The following GNA12 variants were observed in gnomAD, a reference collection of about 807,000 sequenced individuals.
The protein encoded by GNA12 is guanine nucleotide-binding protein subunit alpha-12.
Under a neutral mutation model 26.0 loss-of-function variants are expected in GNA12, and 9 were observed. That is an observed-to-expected ratio of 0.35 (90% CI 0.21 to 0.60). The LOEUF (loss-of-function observed/expected upper bound fraction) is 0.60, where lower values mean the gene tolerates loss of function less well. Among genes scored for constraint, GNA12 ranks in the 20% least tolerant of loss-of-function variants. The probability of loss-of-function intolerance (pLI) is 0.78; values close to 1 mark genes in which losing one functional copy is unlikely to be tolerated. For missense variants in GNA12, 405 were observed against 525.8 expected (o/e 0.77, Z 2.25); for synonymous variants, 264 against 219.6 (o/e 1.20, Z -1.79).
intron 2 of GNA12, among the ~76,000 whole-genome samples, chr7:2,790,168 C>A (rs1418875174): frequency 6.6e-6 from 1 of 152,220 alleles, no homozygotes; most frequent in African/African-American, 2.4e-5. Flanking sequence ...GAAAAGTCTC[C>A]TCCAAAGCAC....
At chr7:2,767,566 A>G (rs1191476585) in intron 2 of GNA12, among the ~76,000 whole-genome samples, 4 of 152,216 alleles carry the variant, frequency 2.6e-5, no homozygotes, top group African/African-American at 9.7e-5. Context: ...TACCCTTTAT[A>G]GTACCCTCTC....
At chr7:2,822,456 T>G (rs894398713) in intron 1 of GNA12, among the ~76,000 whole-genome samples, 2 of 152,130 alleles carry the variant, frequency 1.3e-5, no homozygotes, top group Admixed American at 6.6e-5. Flanking sequence ...CTGATAAAGA[T>G]TGAAGGGCCA....
At chr7:2,771,302 A>T (rs560113076) in intron 2 of GNA12, among the ~76,000 whole-genome samples, 1 of 152,046 alleles carries the variant, frequency 6.6e-6, no homozygotes, top group African/African-American at 2.4e-5. Flanking sequence ...CTCAAAAAAA[A>T]CCAAAAAACC....
chr7:2,730,970 G>T lies in GNA12; in HGVS notation c.*211C>A. 1.9e-6 allele frequency: 1 copy of T among 525,960 alleles called. No individual in the cohort carries two copies. Among genetic ancestry groups the T allele is most frequent in the Non-Finnish European group, 3.4e-6 (1 of 293,156 alleles). The allele number at this position is 525,960 out of a possible 1,614,324, so 32.6% of individuals were successfully genotyped here. A position where few individuals can be genotyped will look rare whatever the true frequency, so the allele number is the denominator to read the frequency against. On this transcript the variant is annotated 3_prime_UTR_variant, in exon 4 of 4. Transcript: ENST00000275364. ...ACTCGGATTTTCAGTAGTTTCACTC[G>T]CCCCCAGGATTCAGTAGCTAACGTG...
chr7:2,841,667 T>C (rs528448324), intron 1 of GNA12, among the ~76,000 whole-genome samples: 2 of 152,240 alleles, frequency 1.3e-5, no homozygotes, highest in South Asian at 4.2e-4. Flanking sequence ...AAATGAAACA[T>C]TTCCATGAGA....
At chr7:2,747,200 T>A (rs376608250) in intron 2 of GNA12, among the ~76,000 whole-genome samples, 32 of 152,114 alleles carry the variant, frequency 2.1e-4, no homozygotes, top group Middle Eastern at 3.4e-3. Flanking sequence ...TACCAAAGCC[T>A]GGCAGAGACA....
rs377656327 is a variant in GNA12, at chr7:2,804,125, A to G, written c.310-8982T>C. 4.6e-5 allele frequency among the ~76,000 whole-genome samples: 7 copies of G among 152,350 alleles called. No individual in the cohort carries two copies. In the East Asian group the frequency reaches 7.7e-4, roughly 17 times the overall value. ...GAAAAGATCAGCAAAACTTGAGAACACAAACACACAAAATATCATTCTAAG... is the reference window on the plus strand; with the variant it reads ...GAAAAGATCAGCAAAACTTGAGAACGCAAACACACAAAATATCATTCTAAG... On this transcript the variant is annotated intron_variant, in intron 1 of 3. Coordinates refer to ENST00000275364, the MANE Select transcript of GNA12 (RefSeq NM_007353.3).
chr7:2,803,357 T>C (rs1230220688), intron 1 of GNA12, among the ~76,000 whole-genome samples: 2 of 152,076 alleles, frequency 1.3e-5, no homozygotes, highest in East Asian at 1.9e-4. Flanking sequence ...AAAAGGAGAA[T>C]GGCAAGGTCT....
At chr7:2,780,286 AGGT>A (rs1318146918) in intron 2 of GNA12, among the ~76,000 whole-genome samples, 1 of 151,914 alleles carries the variant, frequency 6.6e-6, no homozygotes, top group Non-Finnish European at 1.5e-5. Context: ...GTGAATAATT[AGGT>A]TGTTTCCTTT....
chr7:2,763,748 T>C (rs1212189699), intron 2 of GNA12, among the ~76,000 whole-genome samples: 1 of 152,152 alleles, frequency 6.6e-6, no homozygotes, highest in African/African-American at 2.4e-5. Flanking sequence ...CTGCACAAAA[T>C]GCCTCCCCCA....
chr7:2,805,312 G>A lies in GNA12; in HGVS notation c.310-10169C>T, dbSNP rs955306777. 5.9e-5 allele frequency among the ~76,000 whole-genome samples: 9 copies of A among 152,350 alleles called. No homozygotes were observed. In the East Asian group the frequency reaches 1.5e-3, roughly 26 times the overall value. On this transcript the variant is annotated intron_variant, in intron 1 of 3. Coordinates refer to ENST00000275364, the MANE Select transcript of GNA12 (RefSeq NM_007353.3). Reference sequence around the variant, plus strand: ...ATTTAGTCTTTATAAATAACTCTGCGAGGAATAGCATTATGCCCATTTTAC... The same window carrying A: ...ATTTAGTCTTTATAAATAACTCTGCAAGGAATAGCATTATGCCCATTTTAC...
intron 2 of GNA12, among the ~76,000 whole-genome samples, chr7:2,767,379 T>A (rs1035684078): frequency 2.6e-5 from 4 of 152,238 alleles, no homozygotes; most frequent in African/African-American, 9.6e-5. Context: ...TGATTATGTT[T>A]AAGTCTTTAA....
chr7:2,827,375 T>C (rs1182152711), intron 1 of GNA12, among the ~76,000 whole-genome samples: 2 of 152,174 alleles, frequency 1.3e-5, no homozygotes, highest in South Asian at 4.1e-4. Context: ...AGATGATTAA[T>C]TGTATGGTAT....
At chr7:2,735,698 CACT>C (rs1403450091) in intron 2 of GNA12, among the ~76,000 whole-genome samples, 2 of 152,202 alleles carry the variant, frequency 1.3e-5, no homozygotes, top group Non-Finnish European at 2.9e-5. Context: ...GCATTTGTAT[CACT>C]ACTTGGAATG....
rs550956982 is a variant in GNA12, at chr7:2,788,466, G to C, written c.525+6462C>G. On this transcript the variant is annotated intron_variant, in intron 2 of 3. Transcript: ENST00000275364. ...GCTGAGGACAGGAGCGCACACTCTG[G>C]ACCGAGCAAGAAAAGACACAACTTA... Among the ~76,000 whole-genome samples the C allele has an allele frequency of 3.9e-5, 6 of 152,274 alleles. No individual in the cohort carries two copies. The South Asian group carries it at 1.2e-3, about 32-fold the overall frequency.
chr7:2,817,546 C>G (rs1454230604), intron 1 of GNA12, among the ~76,000 whole-genome samples: 2 of 152,268 alleles, frequency 1.3e-5, no homozygotes, highest in Non-Finnish European at 2.9e-5. Context: ...CCTCAGCTCT[C>G]TCTGTGGAGA....
rs71026571 is a variant in GNA12, at chr7:2,839,242, CT to C, written c.309+4610del. 4.9e-3 allele frequency among the ~76,000 whole-genome samples: 736 copies of C among 151,444 alleles called. 7 individuals are homozygous for C. Among genetic ancestry groups the C allele is most frequent in the African/African-American group, 0.017 (682 of 41,304 alleles). ...AAGAGAGACAACAGGAAAATCTTTT[CT>C]TTTTTTTTGAGGCAGGATCTTACTC... On this transcript the variant is annotated intron_variant, in intron 1 of 3. Coordinates refer to ENST00000275364, the MANE Select transcript of GNA12 (RefSeq NM_007353.3).
At chr7:2,734,717 T>G (rs1318721130) in intron 2 of GNA12, among the ~76,000 whole-genome samples, 1 of 152,232 alleles carries the variant, frequency 6.6e-6, no homozygotes. Flanking sequence ...GTTTTCAAAG[T>G]GAGTGTTTTG....
intron 1 of GNA12, among the ~76,000 whole-genome samples, chr7:2,812,974 C>G (rs533722665): frequency 1.3e-5 from 2 of 152,172 alleles, no homozygotes; most frequent in Admixed American, 6.5e-5. Flanking sequence ...GACAGAGTCT[C>G]GCTCTGTCGC....
Sources: allele counts gnomAD v4.1 joint callset (sites outside exome capture counted in the v4.1 genomes callset), GRCh38; gene constraint gnomAD v4.1.1; transcripts MANE v1.5; gene names NCBI Gene and HGNC (gene_info 2026-07-23, HGNC 2026-07-21).